LRRC4C: variants seen among roughly 807,000 people sequenced by gnomAD.
The protein encoded by LRRC4C is leucine-rich repeat-containing protein 4C.
A neutral mutation model predicts 33.6 loss-of-function variants in LRRC4C; 5 were observed. The observed-to-expected ratio is 0.15, with a 90% CI of 0.08 to 0.31. The LOEUF is 0.31. LRRC4C is among the 10% of genes least tolerant of loss of function. The pLI is 1.00. For missense variants in LRRC4C, 560 were observed against 796.7 expected (o/e 0.70, Z 3.58); for synonymous variants, 329 against 302.0 (o/e 1.09, Z -0.93).
At chr11:40,725,949 A>G (rs1367935606) in intron 2 of LRRC4C, among the ~76,000 whole-genome samples, 2 of 152,196 alleles carry the variant, frequency 1.3e-5, no homozygotes, top group Non-Finnish European at 2.9e-5. Flanking sequence ...TTGCAGGAAC[A>G]AAATGACAAA....
intron 1 of LRRC4C, among the ~76,000 whole-genome samples, chr11:41,400,823 A>G (rs1175636684): frequency 6.6e-6 from 1 of 151,874 alleles, no homozygotes; most frequent in Non-Finnish European, 1.5e-5. Context: ...TAATATTCTT[A>G]CTAGAGTTTA....
intron 1 of LRRC4C, among the ~76,000 whole-genome samples, chr11:41,396,947 G>C (rs969079007): frequency 5.9e-5 from 9 of 151,940 alleles, no homozygotes; most frequent in African/African-American, 1.2e-4. Flanking sequence ...CTATGAATGT[G>C]GATAGTTTTA....
intron 3 of LRRC4C, among the ~76,000 whole-genome samples, chr11:40,483,264 G>T (rs542629724): frequency 6.6e-6 from 1 of 152,156 alleles, no homozygotes; most frequent in African/African-American, 2.4e-5. Context: ...GGAGGGATGG[G>T]ACCCCTTGAG....
At chr11:40,249,871 T>G (rs1173303319) in intron 4 of LRRC4C, among the ~76,000 whole-genome samples, 1 of 152,214 alleles carries the variant, frequency 6.6e-6, no homozygotes, top group Non-Finnish European at 1.5e-5. Context: ...TACTGCCTTT[T>G]GTTCTGATAA....
chr11:41,140,005 G>A (rs1360446598), intron 1 of LRRC4C, among the ~76,000 whole-genome samples: 2 of 152,158 alleles, frequency 1.3e-5, no homozygotes, highest in Admixed American at 1.3e-4. Context: ...TGATTTTCAT[G>A]ATGTTTTAGC....
chr11:40,680,373 T>C (rs766281250), intron 2 of LRRC4C, among the ~76,000 whole-genome samples: 7 of 152,144 alleles, frequency 4.6e-5, no homozygotes, highest in Non-Finnish European at 1.0e-4. Context: ...GGAGGCATAA[T>C]TGATTTTGAA....
intron 3 of LRRC4C, among the ~76,000 whole-genome samples, chr11:40,565,358 A>G (rs1345880582): frequency 6.6e-6 from 1 of 152,210 alleles, no homozygotes. Flanking sequence ...ATTAGTTGAC[A>G]GCCACCAAGT....
chr11:41,396,106 C>T (rs1383272727), intron 1 of LRRC4C, among the ~76,000 whole-genome samples: 1 of 151,944 alleles, frequency 6.6e-6, no homozygotes, highest in African/African-American at 2.4e-5. Context: ...AAGACAAATT[C>T]TTCTTCCAAT....
At chr11:40,434,512 G>C (rs1399229121) in intron 3 of LRRC4C, among the ~76,000 whole-genome samples, 1 of 152,148 alleles carries the variant, frequency 6.6e-6, no homozygotes, top group Admixed American at 6.5e-5. Context: ...AGAAAGGCCT[G>C]GACAGTCTTT....
chr11:41,262,890 G>A (rs1053932613), intron 1 of LRRC4C, among the ~76,000 whole-genome samples: 4 of 152,032 alleles, frequency 2.6e-5, no homozygotes, highest in Admixed American at 6.6e-5. Flanking sequence ...GTTTTCCTCG[G>A]GGAGAATGCT....
intron 3 of LRRC4C, among the ~76,000 whole-genome samples, chr11:40,334,997 C>T (rs1946534278): frequency 6.6e-6 from 1 of 152,052 alleles, no homozygotes; most frequent in Non-Finnish European, 1.5e-5. Flanking sequence ...CACAAAATCC[C>T]ATGTATTTAT....
intron 2 of LRRC4C, among the ~76,000 whole-genome samples, chr11:40,785,258 C>T (rs1418406236): frequency 6.6e-6 from 1 of 152,142 alleles, no homozygotes; most frequent in Non-Finnish European, 1.5e-5. Flanking sequence ...ATAACAAAAA[C>T]TGGGTGTGTA....
rs149341712 is a variant in LRRC4C, at chr11:40,341,213, T to G, written c.-269-21492A>C. Among the ~76,000 whole-genome samples the G allele has an allele frequency of 7.0e-3, 1,069 of 152,282 alleles. 13 individuals carry two copies. Among genetic ancestry groups the G allele is most frequent in the African/African-American group, 0.024 (1,009 of 41,544 alleles). Reference sequence around the variant, plus strand: ...TGCAATAGTTTGCTGAGAATGATGGTTTCCAGCTTCATCCTTGTCCCTTAC... The same window carrying G: ...TGCAATAGTTTGCTGAGAATGATGGGTTCCAGCTTCATCCTTGTCCCTTAC... On this transcript the variant is annotated intron_variant, in intron 3 of 6. Transcript: ENST00000528697.
chr11:40,244,533 C>A (rs1023627780), intron 4 of LRRC4C, among the ~76,000 whole-genome samples: 3 of 152,258 alleles, frequency 2.0e-5, no homozygotes, highest in Admixed American at 6.5e-5. Flanking sequence ...TTGTTCCAGG[C>A]CATTTTATGT....
At chr11:40,357,045 A>G (rs1248580048) in intron 3 of LRRC4C, among the ~76,000 whole-genome samples, 1 of 152,162 alleles carries the variant, frequency 6.6e-6, no homozygotes, top group Non-Finnish European at 1.5e-5. Context: ...TAAACCATAT[A>G]TTCTATTGCT....
At chr11:41,254,047 T>C (rs983516692) in intron 1 of LRRC4C, among the ~76,000 whole-genome samples, 3 of 152,076 alleles carry the variant, frequency 2.0e-5, no homozygotes, top group African/African-American at 4.8e-5. Flanking sequence ...TATTACAAAA[T>C]ATATATACGA....
chr11:40,993,571 T>C (rs542225067), intron 1 of LRRC4C, among the ~76,000 whole-genome samples: 31 of 152,314 alleles, frequency 2.0e-4, no homozygotes, highest in African/African-American at 7.2e-4. Flanking sequence ...TTTCACTTCC[T>C]TTTTGGCAGA....
At chr11:41,412,323 T>G (rs1954518631) in intron 1 of LRRC4C, among the ~76,000 whole-genome samples, 1 of 152,156 alleles carries the variant, frequency 6.6e-6, no homozygotes, top group African/African-American at 2.4e-5. Context: ...TTTGGGGTCT[T>G]TAGAGATTAG....
intron 1 of LRRC4C, among the ~76,000 whole-genome samples, chr11:41,192,322 A>ATGTGTGTGTGTG (rs112844436): frequency 2.1e-5 from 3 of 146,240 alleles, no homozygotes; most frequent in East Asian, 4.2e-4. Context: ...CATGAATTAA[A>ATGTGTGTGTGTG]TGTGTGTGTG....
Sources: allele counts gnomAD v4.1 joint callset (sites outside exome capture counted in the v4.1 genomes callset), GRCh38; gene constraint gnomAD v4.1.1; transcripts MANE v1.5; gene names NCBI Gene and HGNC (gene_info 2026-07-23, HGNC 2026-07-21).